MAPRE1: variants seen among roughly 807,000 people sequenced by gnomAD.
MAPRE1 encodes the protein microtubule-associated protein RP/EB family member 1.
Under a neutral mutation model 32.1 loss-of-function variants are expected in MAPRE1, and 5 were observed. The observed-to-expected ratio is 0.16, with a 90% CI of 0.08 to 0.33. The LOEUF is 0.33. Among genes scored for constraint, MAPRE1 ranks in the 10% least tolerant of loss-of-function variants. MAPRE1 has a pLI of 1.00. For synonymous variants in MAPRE1, 122 were observed against 118.9 expected (o/e 1.03, Z -0.17); for missense variants, 209 against 327.2 (o/e 0.64, Z 2.79).
chr20:32,847,310 G>T (rs1983531154), intron 6 of MAPRE1, among the ~76,000 whole-genome samples: 1 of 152,142 alleles, frequency 6.6e-6, no homozygotes, highest in Non-Finnish European at 1.5e-5. Context: ...CAAATCTGTT[G>T]ATATTAATCA....
intron 2 of MAPRE1, among the ~76,000 whole-genome samples, chr20:32,826,631 A>T (rs1972114850): frequency 1.4e-5 from 2 of 142,522 alleles, no homozygotes; most frequent in Non-Finnish European, 3.0e-5. Context: ...GGTTCAAGCG[A>T]TTCTCCTACT....
intron 1 of MAPRE1, among the ~76,000 whole-genome samples, chr20:32,824,481 T>C (rs1380794997): frequency 1.3e-5 from 2 of 152,178 alleles, no homozygotes; most frequent in African/African-American, 4.8e-5. Context: ...AAGTGAACCT[T>C]GCAGAGGGCT....
intron 2 of MAPRE1, among the ~76,000 whole-genome samples, chr20:32,827,663 G>A (rs370905339): frequency 1.3e-4 from 20 of 152,040 alleles, no homozygotes; most frequent in East Asian, 5.8e-4. Context: ...TTGGGAGGCC[G>A]AGGCGGGTGG....
intron 2 of MAPRE1, among the ~76,000 whole-genome samples, 188 bp downstream of exon 2, chr20:32,826,236 T>TTTTGA (rs1491215602): frequency 9.5e-6 from 1 of 104,936 alleles, no homozygotes; most frequent in African/African-American, 4.0e-5. Context: ...TTTTTTTTTT[T>TTTTGA]GACAGAGTCT....
At chr20:32,833,258 G>GA (rs1983092017) in intron 2 of MAPRE1, among the ~76,000 whole-genome samples, 1 of 152,138 alleles carries the variant, frequency 6.6e-6, no homozygotes, top group Non-Finnish European at 1.5e-5. Flanking sequence ...AAAGCCCAGG[G>GA]AGACAGACGT....
At chr20:32,834,579 C>T (rs1189570595) in intron 3 of MAPRE1, among the ~76,000 whole-genome samples, 1 of 151,874 alleles carries the variant, frequency 6.6e-6, no homozygotes, top group Non-Finnish European at 1.5e-5. Flanking sequence ...TAGTAACACC[C>T]CCAATTATCT....
At chr20:32,838,538 C>G (rs1444156305) in intron 4 of MAPRE1, among the ~76,000 whole-genome samples, 1 of 152,190 alleles carries the variant, frequency 6.6e-6, no homozygotes, top group African/African-American at 2.4e-5. Flanking sequence ...TTGCTAATTG[C>G]TGTGCCATGT....
Position 32,836,815 on chromosome 20 carries a change from A to G in MAPRE1, c.449A>G (p.Lys150Arg). The change falls in exon 4 of 7, where the codon AAG (lysine) becomes AGG (arginine). Residue 150 changes from lysine to arginine, a missense_variant. Physicochemically the swap from Lys to Arg is conservative, Grantham distance 26. Around this residue, in one of 3 missense-constraint regions of MAPRE1, gnomAD observed 106 missense variants for 115.3 expected, o/e 0.92. Coordinates refer to ENST00000375571, the MANE Select transcript of MAPRE1 (RefSeq NM_012325.3). ...SLVAPALNKP[K>R]KPLTSSSAAP... ...GTTGCTCCAGCTCTGAATAAACCGA[A>G]GAAACCTCTCACTTCTAGCAGTGCA... 2 of 1,611,462 alleles carry G rather than the reference A, an allele frequency of 1.2e-6. No individual in the cohort carries two copies. The highest frequency in any genetic ancestry group is 1.7e-6 in the Non-Finnish European group (2 of 1,179,404).
chr20:32,844,229 T>C (rs976692915), intron 5 of MAPRE1, among the ~76,000 whole-genome samples: 1 of 152,080 alleles, frequency 6.6e-6, no homozygotes. Flanking sequence ...TCTTAGTATA[T>C]ATTTTTTTAG....
intron 1 of MAPRE1, among the ~76,000 whole-genome samples, chr20:32,820,448 C>T (rs1371148296): frequency 3.3e-5 from 5 of 152,054 alleles, no homozygotes; most frequent in East Asian, 1.9e-4. Flanking sequence ...TGGAGTCAGA[C>T]CTGGGTTGGG....
intron 5 of MAPRE1, among the ~76,000 whole-genome samples, chr20:32,845,932 C>G (rs142205086): frequency 6.6e-6 from 1 of 152,280 alleles, no homozygotes; most frequent in Non-Finnish European, 1.5e-5. Context: ...GTGGCCCTGA[C>G]CTGTAAATAC....
intron 5 of MAPRE1, among the ~76,000 whole-genome samples, chr20:32,846,195 C>T (rs990536039): frequency 2.6e-5 from 4 of 152,266 alleles, no homozygotes; most frequent in Non-Finnish European, 2.9e-5. Flanking sequence ...ATTGGGCTTC[C>T]AAAGAGTTCC....
chr20:32,844,725 A>G (rs2146139877), intron 5 of MAPRE1, among the ~76,000 whole-genome samples: 1 of 152,218 alleles, frequency 6.6e-6, no homozygotes, highest in East Asian at 1.9e-4. Context: ...ATTCCTTTTC[A>G]TAAGCTCTTT....
At chr20:32,831,536 G>GTT (rs919447319) in intron 2 of MAPRE1, among the ~76,000 whole-genome samples, 1 of 134,254 alleles carries the variant, frequency 7.4e-6, no homozygotes, top group African/African-American at 2.8e-5. Context: ...CTTTTTTGTT[G>GTT]TTTTTTTTTT....
At chr20:32,823,219 C>G (rs529794788) in intron 1 of MAPRE1, among the ~76,000 whole-genome samples, 6 of 152,346 alleles carry the variant, frequency 3.9e-5, no homozygotes, top group African/African-American at 1.4e-4. Flanking sequence ...CTGTCACATT[C>G]TGTGGCTTGG....
Position 32,836,749 on chromosome 20 carries a change from C to CA in MAPRE1, c.383_384insA (p.Ala129CysfsTer20). On this transcript the variant is annotated frameshift_variant, in exon 4 of 7. Coordinates refer to ENST00000375571, the MANE Select transcript of MAPRE1 (RefSeq NM_012325.3). LOFTEE classifies it high-confidence loss of function. Reference sequence around the variant, plus strand: ...GATGGAAAAGACTATGACCCTGTGGCTGCCAGACAAGGTCAAGAAACTGCA... The same window carrying CA: ...GATGGAAAAGACTATGACCCTGTGGCATGCCAGACAAGGTCAAGAAACTGCA... The CA allele has an allele frequency of 6.2e-7, 1 of 1,613,936 alleles. No homozygotes were observed.
intron 5 of MAPRE1, among the ~76,000 whole-genome samples, chr20:32,845,310 G>A (rs1983479477): frequency 2.6e-5 from 4 of 152,048 alleles, no homozygotes; most frequent in Admixed American, 2.6e-4. Flanking sequence ...CAAAGCTTTG[G>A]GATTGCAGAT....
intron 4 of MAPRE1, among the ~76,000 whole-genome samples, chr20:32,837,319 C>A (rs917157618): frequency 1.3e-5 from 2 of 152,152 alleles, no homozygotes; most frequent in African/African-American, 4.8e-5. Flanking sequence ...TCTCTGTAGA[C>A]CAGCTTCCTG....
chr20:32,839,796 G>A lies in MAPRE1; in HGVS notation c.537G>A (p.Val179=), dbSNP rs76177175. Residue 179 remains valine (V), a synonymous_variant, in exon 5 of 7, where the codon GTG becomes GTA. Coordinates refer to ENST00000375571, the MANE Select transcript of MAPRE1 (RefSeq NM_012325.3). ...CGGCTCCTAAGGCTGGCCCTGGTGT[G>A]GTGCGAAAGAACCCTGGTGTGGGCA... ...TAAAPKAGPG[V]VRKNPGVGNG... The A allele has an allele frequency of 3.4e-3, 5,461 of 1,614,186 alleles. 201 individuals carry two copies. The Admixed American group carries it at 0.061, about 18-fold the overall frequency.
Sources: gnomAD v4.1 joint callset for allele counts (sites outside exome capture counted in the v4.1 genomes callset) on GRCh38, gnomAD v4.1.1 for gene constraint, gnomAD v4.1.1 regional missense constraint, MANE v1.5 for transcripts, NCBI Gene and HGNC (gene_info 2026-07-23, HGNC 2026-07-21) for gene names.